Variants in PHF3 observed in about 807,000 individuals in gnomAD.
PHF3 encodes the protein PHD finger protein 3.
In PHF3, 41 loss-of-function variants were observed where a neutral mutation model predicts 178.4. The observed-to-expected ratio is 0.23, with a 90% confidence interval of 0.18 to 0.30. The LOEUF (loss-of-function observed/expected upper bound fraction) is 0.30. PHF3 is among the 10% of genes least tolerant of loss of function. The pLI, the probability that PHF3 is intolerant of heterozygous loss-of-function variation, is 1.00. For missense variants in PHF3, 2,346 were observed against 2,398.1 expected (o/e 0.98, Z 0.45); for synonymous variants, 842 against 800.5 (o/e 1.05, Z -0.88).
intron 2 of PHF3, among the ~76,000 whole-genome samples, chr6:63,655,968 G>T (rs1765217665): frequency 6.6e-6 from 1 of 152,162 alleles, no homozygotes; most frequent in Admixed American, 6.5e-5. Flanking sequence ...CTAATAGATT[G>T]TGCAGTTCTT....
At position 63,725,717 on chromosome 6, in the gene PHF3, T is replaced by C. The variant is rs1768589342; in HGVS notation, c.*12009T>C. On this transcript the variant is annotated 3_prime_UTR_variant, in exon 16 of 16. Coordinates refer to ENST00000262043, the MANE Select transcript of PHF3 (RefSeq NM_001370348.2). Reference sequence around the variant, plus strand: ...TTGGTCGAATTCCCTGATATTCTTATCATTTAGAAGCAAGTCAAGACACTT... The same window carrying C: ...TTGGTCGAATTCCCTGATATTCTTACCATTTAGAAGCAAGTCAAGACACTT... Among the ~76,000 whole-genome samples the C allele has an allele frequency of 6.6e-6, 1 of 152,162 alleles. No homozygotes were observed.
In PHF3 at chr6:63,715,661, A is replaced by T. The variant is rs890797205; in HGVS notation, c.*1953A>T. Among the ~76,000 whole-genome samples the T allele has an allele frequency of 6.6e-5, 10 of 152,282 alleles. No homozygotes were observed. Among genetic ancestry groups the T allele is most frequent in the African/African-American group, 2.2e-4 (9 of 41,564 alleles). On this transcript the variant is annotated 3_prime_UTR_variant, in exon 16 of 16. Coordinates refer to ENST00000262043, the MANE Select transcript of PHF3 (RefSeq NM_001370348.2). ...TGATCGAATCTTGATACATGTTTTT[A>T]AAATAGGCAAGGCCCATATAGCTTT...
chr6:63,646,504 G>C, intron 1 of PHF3, 23 bp from the exon 2 acceptor site: 1 of 1,505,392 alleles, frequency 6.6e-7, no homozygotes, highest in Non-Finnish European at 9.0e-7. Flanking sequence ...ATTTCTTATG[G>C]TATTTTTTTT....
intron 1 of PHF3, among the ~76,000 whole-genome samples, chr6:63,643,867 A>G (rs1049186204): frequency 6.6e-6 from 1 of 152,212 alleles, no homozygotes; most frequent in African/African-American, 2.4e-5. Context: ...ACTTTCAGTA[A>G]AGGAGTTTTA....
intron 2 of PHF3, among the ~76,000 whole-genome samples, chr6:63,667,065 G>C (rs1005600033): frequency 6.6e-6 from 1 of 151,932 alleles, no homozygotes; most frequent in Non-Finnish European, 1.5e-5. Flanking sequence ...GGCTGGTCTC[G>C]AACCCCTGGG....
chr6:63,650,997 A>G (rs888383465), intron 2 of PHF3, among the ~76,000 whole-genome samples: 7 of 151,774 alleles, frequency 4.6e-5, no homozygotes, highest in African/African-American at 1.7e-4. Context: ...ATATATCTTC[A>G]CTGGAGTCTT....
At position 63,715,946 on chromosome 6, in the gene PHF3, A is replaced by T. The variant is rs1279829623; in HGVS notation, c.*2238A>T. 1.3e-5 allele frequency among the ~76,000 whole-genome samples: 2 copies of T among 152,006 alleles called. No individual in the cohort carries two copies. The highest frequency in any genetic ancestry group is 4.8e-5 in the African/African-American group (2 of 41,400). On this transcript the variant is annotated 3_prime_UTR_variant, in exon 16 of 16. Coordinates refer to ENST00000262043, the MANE Select transcript of PHF3 (RefSeq NM_001370348.2). ...TCAGTTTCTCCTGTTTTAAGAAAAAACCTGCTCTTTAAAAAAAGTTTTACA... is the reference window on the plus strand; with the variant it reads ...TCAGTTTCTCCTGTTTTAAGAAAAATCCTGCTCTTTAAAAAAAGTTTTACA...
intron 8 of PHF3, 74 bp downstream of exon 8, chr6:63,698,679 T>A: frequency 9.8e-7 from 1 of 1,015,864 alleles, no homozygotes; most frequent in Non-Finnish European, 1.4e-6. Context: ...TGTAATACAG[T>A]AGATCTATAA....
rs185130116 is a variant in PHF3, at chr6:63,706,253, T to C, written c.3563+29T>C. The C allele has an allele frequency of 8.5e-6, 13 of 1,532,740 alleles. No individual in the cohort carries two copies. The East Asian group carries it at 2.9e-4, about 35-fold the overall frequency. The allele number at this position is 1,532,740 out of a possible 1,614,324, so 94.9% of individuals were successfully genotyped here. On this transcript the variant is annotated intron_variant, in intron 12 of 15. Transcript: ENST00000262043. ...ATTTTCTCTGTTGTAAATTCTGTAA[T>C]ACTCATTATAGATCTTTGCCAGATT... is the stretch of plus-strand genomic sequence containing the variant.
rs557949146 is a variant in PHF3, at chr6:63,657,356, G to A, written c.244+10561G>A. Among the ~76,000 whole-genome samples, 11 of 152,158 alleles carry A rather than the reference G, an allele frequency of 7.2e-5. No individual in the cohort carries two copies. In the South Asian group the frequency reaches 1.9e-3, roughly 26 times the overall value. On this transcript the variant is annotated intron_variant, in intron 2 of 15. Transcript: ENST00000262043. Reference sequence around the variant, plus strand: ...CCCCATTCTTTGCATTCAGAAATTCGCATATAACTTTTATCTTCCCCCAAA... The same window carrying A: ...CCCCATTCTTTGCATTCAGAAATTCACATATAACTTTTATCTTCCCCCAAA...
At chr6:63,673,197 ACC>A (rs1765997444) in intron 2 of PHF3, among the ~76,000 whole-genome samples, 1 of 152,124 alleles carries the variant, frequency 6.6e-6, no homozygotes, top group Admixed American at 6.5e-5. Context: ...CAGAAACAGC[ACC>A]GCTAACAAGC....
intron 4 of PHF3, among the ~76,000 whole-genome samples, chr6:63,689,210 T>A (rs555349290): frequency 1.3e-5 from 2 of 152,224 alleles, no homozygotes; most frequent in Non-Finnish European, 2.9e-5. Flanking sequence ...CTTTTGAACT[T>A]CTTTTAAACG....
intron 2 of PHF3, among the ~76,000 whole-genome samples, chr6:63,652,199 TTTA>T (rs375012976): frequency 7.9e-4 from 120 of 152,256 alleles, no homozygotes; most frequent in East Asian, 7.5e-3. Flanking sequence ...CTTGCCAGTG[TTTA>T]TTATTTTTTA....
chr6:63,694,232 T>C (rs78903663), intron 5 of PHF3, among the ~76,000 whole-genome samples: 38 of 152,348 alleles, frequency 2.5e-4, no homozygotes, highest in African/African-American at 8.7e-4. Context: ...GAGAACTTAA[T>C]TGATACACTT....
At chr6:63,693,563 A>G (rs893210303) in intron 5 of PHF3, among the ~76,000 whole-genome samples, 4 of 152,190 alleles carry the variant, frequency 2.6e-5, no homozygotes, top group African/African-American at 7.2e-5. Context: ...GTGAGCTGGG[A>G]TTGTGCCACT....
At chr6:63,678,644 A>G (rs1451078497) in intron 2 of PHF3, among the ~76,000 whole-genome samples, 2 of 151,994 alleles carry the variant, frequency 1.3e-5, no homozygotes, top group Non-Finnish European at 2.9e-5. Flanking sequence ...TTTGTTTCTA[A>G]CAAGGATCAC....
chr6:63,663,091 C>G (rs1300509641), intron 2 of PHF3, among the ~76,000 whole-genome samples: 1 of 152,116 alleles, frequency 6.6e-6, no homozygotes, highest in Non-Finnish European at 1.5e-5. Context: ...TAGTTTTGAC[C>G]TCCTTTTCCT....
At chr6:63,670,691 G>T (rs1765878142) in intron 2 of PHF3, among the ~76,000 whole-genome samples, 1 of 152,170 alleles carries the variant, frequency 6.6e-6, no homozygotes, top group South Asian at 2.1e-4. Flanking sequence ...TGATATTTTT[G>T]TATGCACTCA....
Position 63,712,705 on chromosome 6 carries a change from A to G in PHF3, c.5117A>G (p.Lys1706Arg), listed in dbSNP as rs1316011708. 1.2e-6 allele frequency: 2 copies of G among 1,614,044 alleles called. No homozygotes were observed. Among genetic ancestry groups the G allele is most frequent in the Admixed American group, 3.3e-5 (2 of 59,996 alleles). ...NVEEKLCSAE[K>R]NSCVQQSDNL... ...GAGGAAAAGTTGTGTTCTGCAGAGA[A>G]AAACTCGTGTGTTCAGCAGAGTGAC... Residue 1706 changes from lysine (K) to arginine (R), a missense_variant, in exon 16 of 16, where the codon AAA becomes AGA. By Grantham distance (26) the Lys-to-Arg change is conservative. Transcript: ENST00000262043.
Sources: allele counts gnomAD v4.1 joint callset (sites outside exome capture counted in the v4.1 genomes callset), GRCh38; gene constraint gnomAD v4.1.1; transcripts MANE v1.5; gene names NCBI Gene and HGNC (gene_info 2026-07-23, HGNC 2026-07-21).